RORA: variants seen among roughly 807,000 people sequenced by gnomAD.
RORA encodes the protein nuclear receptor ROR-alpha.
Under a neutral mutation model 69.5 loss-of-function variants are expected in RORA, and 7 were observed. That is an observed-to-expected ratio of 0.10 (90% CI 0.06 to 0.19). RORA has a LOEUF of 0.19. Ranked by LOEUF, RORA falls within the 10% of genes least tolerant of loss-of-function variation. The pLI, the probability that RORA is intolerant of heterozygous loss-of-function variation, is 1.00. For synonymous variants in RORA, 261 were observed against 240.8 expected (o/e 1.08, Z -0.78); for missense variants, 457 against 663.0 (o/e 0.69, Z 3.41).
intron 1 of RORA, among the ~76,000 whole-genome samples, chr15:60,940,866 G>A (rs1030624911): frequency 1.3e-5 from 2 of 152,172 alleles, no homozygotes; most frequent in African/African-American, 2.4e-5. Flanking sequence ...GGCAAAGCTT[G>A]CAGTGAGCCA....
At chr15:61,102,829 T>C (rs182935212) in intron 1 of RORA, among the ~76,000 whole-genome samples, 2 of 152,304 alleles carry the variant, frequency 1.3e-5, no homozygotes, top group Non-Finnish European at 2.9e-5. Context: ...GTGTTACACA[T>C]TCAGATTCCT....
chr15:60,898,109 T>C (rs1047502700), intron 1 of RORA, among the ~76,000 whole-genome samples: 2 of 152,172 alleles, frequency 1.3e-5, no homozygotes, highest in Non-Finnish European at 2.9e-5. Context: ...CCTCATGCAA[T>C]AGATGAGATG....
intron 1 of RORA, among the ~76,000 whole-genome samples, chr15:60,969,563 T>TGGTG (rs893293804): frequency 8.5e-5 from 13 of 152,236 alleles, no homozygotes; most frequent in African/African-American, 3.1e-4. Flanking sequence ...TCAGTGTGGC[T>TGGTG]GGTGGACAGG....
At chr15:61,035,387 G>C (rs1896403951) in intron 1 of RORA, among the ~76,000 whole-genome samples, 1 of 152,080 alleles carries the variant, frequency 6.6e-6, no homozygotes, top group Non-Finnish European at 1.5e-5. Flanking sequence ...AACGTTAGGA[G>C]AGTTTTTAAT....
intron 2 of RORA, among the ~76,000 whole-genome samples, chr15:60,616,957 A>G (rs551977487): frequency 3.9e-5 from 6 of 152,352 alleles, no homozygotes; most frequent in South Asian, 2.1e-4. Context: ...TGCTTTTACT[A>G]TGATGGGCAA....
chr15:60,816,738 A>G (rs533735451), intron 1 of RORA, among the ~76,000 whole-genome samples: 1 of 144,582 alleles, frequency 6.9e-6, no homozygotes, highest in Admixed American at 7.2e-5. Flanking sequence ...GTATAATAAA[A>G]AAAATAAAAT....
intron 1 of RORA, among the ~76,000 whole-genome samples, chr15:60,767,489 T>C (rs192619681): frequency 6.6e-6 from 1 of 152,328 alleles, no homozygotes; most frequent in East Asian, 1.9e-4. Flanking sequence ...CAGCTGACGA[T>C]AGAGGAGTTG....
intron 1 of RORA, among the ~76,000 whole-genome samples, chr15:60,784,370 G>C (rs1339572730): frequency 6.6e-6 from 1 of 152,228 alleles, no homozygotes; most frequent in African/African-American, 2.4e-5. Flanking sequence ...CAATGGGGGA[G>C]ATGGAGATTC....
At chr15:60,682,697 C>A (rs764295321) in intron 1 of RORA, among the ~76,000 whole-genome samples, 1 of 152,210 alleles carries the variant, frequency 6.6e-6, no homozygotes, top group Non-Finnish European at 1.5e-5. Flanking sequence ...TCAGCACAGG[C>A]AAGGACTTTG....
intron 1 of RORA, among the ~76,000 whole-genome samples, chr15:60,729,676 A>G (rs1368829049): frequency 6.6e-6 from 1 of 152,226 alleles, no homozygotes; most frequent in Admixed American, 6.5e-5. Flanking sequence ...TGGGTAGGGT[A>G]GGTTTGTCCT....
At chr15:60,587,194 T>C (rs1050937279) in intron 2 of RORA, among the ~76,000 whole-genome samples, 3 of 152,228 alleles carry the variant, frequency 2.0e-5, no homozygotes, top group African/African-American at 7.2e-5. Context: ...ATAATGCTTA[T>C]ATTTCACTCA....
chr15:60,793,040 G>A lies in RORA; in HGVS notation c.167-114354C>T, dbSNP rs1220575664. ...CACTCCCTCAAAAGAGAGAGAGAGA[G>A]AAAAAAAAAAAGAGAAAGAAAACTT... is the stretch of plus-strand genomic sequence containing the variant. On this transcript the variant is annotated intron_variant, in intron 1 of 10. Coordinates refer to ENST00000335670, the MANE Select transcript of RORA (RefSeq NM_134261.3). Among the ~76,000 whole-genome samples, 198 of 141,460 alleles carry A rather than the reference G, an allele frequency of 1.4e-3. 1 individual carries two copies. The highest frequency in any genetic ancestry group is 4.7e-3 in the African/African-American group (182 of 38,596). 92.8% of individuals were successfully genotyped at this position (141,460 alleles called of 152,430 possible). A position where few individuals can be genotyped will look rare whatever the true frequency, so the allele number is the denominator to read the frequency against.
At chr15:60,703,669 A>T (rs2071018234) in intron 1 of RORA, among the ~76,000 whole-genome samples, 1 of 152,148 alleles carries the variant, frequency 6.6e-6, no homozygotes, top group South Asian at 2.1e-4. Context: ...TTCTCTGGTT[A>T]TTTCAGGGAC....
At chr15:61,067,114 CTTTT>C (rs772963614) in intron 1 of RORA, among the ~76,000 whole-genome samples, 2 of 138,468 alleles carry the variant, frequency 1.4e-5, no homozygotes, top group Admixed American at 7.2e-5. Context: ...AACTTTTTTT[CTTTT>C]TTTTTTTTTT....
intron 1 of RORA, among the ~76,000 whole-genome samples, chr15:60,873,411 T>C (rs950346950): frequency 5.2e-4 from 79 of 152,216 alleles, no homozygotes; most frequent in African/African-American, 1.7e-3. Flanking sequence ...TCCAGAAGTA[T>C]GCAGGTACTT....
chr15:61,120,079 C>T (rs936759159), intron 1 of RORA, among the ~76,000 whole-genome samples: 1 of 152,098 alleles, frequency 6.6e-6, no homozygotes. Flanking sequence ...TGTGGATGAC[C>T]GTCTGCTTGG....
intron 1 of RORA, among the ~76,000 whole-genome samples, chr15:60,916,728 C>T (rs8036424): frequency 0.13 from 19,088 of 151,958 alleles, 1,714 homozygotes; most frequent in African/African-American, 0.25. Context: ...TTTTAAAGCC[C>T]CTCTTGACCC....
At chr15:60,964,821 G>C (rs1350604515) in intron 1 of RORA, among the ~76,000 whole-genome samples, 4 of 152,184 alleles carry the variant, frequency 2.6e-5, no homozygotes, top group Non-Finnish European at 5.9e-5. Context: ...AAAGGGAAGT[G>C]GTGGCTGGAG....
chr15:60,925,741 C>G (rs375190029), intron 1 of RORA, among the ~76,000 whole-genome samples: 1 of 152,240 alleles, frequency 6.6e-6, no homozygotes, highest in African/African-American at 2.4e-5. Context: ...CAAGGACTAT[C>G]AGAATTCCTT....
Sources: allele counts gnomAD v4.1 joint callset (sites outside exome capture counted in the v4.1 genomes callset), GRCh38; gene constraint gnomAD v4.1.1; transcripts MANE v1.5; gene names NCBI Gene and HGNC (gene_info 2026-07-23, HGNC 2026-07-21).